MAGI1: variants seen among roughly 807,000 people sequenced by gnomAD.
MAGI1 encodes membrane associated guanylate kinase, WW and PDZ domain containing 1.
MAGI1 carries 58 observed loss-of-function variants against 139.9 expected under a neutral mutation model. The observed-to-expected ratio is 0.41, with a 90% CI of 0.34 to 0.52. The LOEUF is 0.52. Ranked by LOEUF, MAGI1 falls within the 20% of genes least tolerant of loss-of-function variation. MAGI1 has a pLI of 0.12. For synonymous variants in MAGI1, 812 were observed against 737.9 expected, an observed-to-expected ratio of 1.10 and a Z score of -1.63; for missense variants, 1,874 against 1,901.6, an observed-to-expected ratio of 0.99 and a Z score of 0.27.
intron 1 of MAGI1, among the ~76,000 whole-genome samples, chr3:66,002,585 G>A (rs777737665): frequency 2.6e-5 from 4 of 152,002 alleles, no homozygotes; most frequent in Admixed American, 1.3e-4. Context: ...GCGCGATCTC[G>A]ACTCACTGCA....
intron 1 of MAGI1, among the ~76,000 whole-genome samples, chr3:65,876,546 A>T (rs2060125788): frequency 6.6e-6 from 1 of 152,174 alleles, no homozygotes; most frequent in African/African-American, 2.4e-5. Flanking sequence ...CTAAAATTGA[A>T]ATCACAATAA....
chr3:65,740,442 G>C (rs1471584283), intron 1 of MAGI1, among the ~76,000 whole-genome samples: 2 of 152,150 alleles, frequency 1.3e-5, no homozygotes, highest in South Asian at 2.1e-4. Flanking sequence ...GAGATATTGG[G>C]ATCTGAACCT....
chr3:65,535,375 T>A (rs1409113859), intron 2 of MAGI1, among the ~76,000 whole-genome samples: 1 of 152,180 alleles, frequency 6.6e-6, no homozygotes, highest in Non-Finnish European at 1.5e-5. Context: ...ATGCCTTGTC[T>A]CTTGCAGCTC....
At chr3:65,961,823 T>G (rs567160780) in intron 1 of MAGI1, among the ~76,000 whole-genome samples, 66 of 152,326 alleles carry the variant, frequency 4.3e-4, no homozygotes, top group African/African-American at 1.5e-3. Context: ...AACCTTCCTG[T>G]CAGGCTTCCC....
chr3:65,615,198 T>C (rs2083308968), intron 2 of MAGI1, among the ~76,000 whole-genome samples: 1 of 152,062 alleles, frequency 6.6e-6, no homozygotes. Flanking sequence ...AAAGCTACAA[T>C]GGAGAAAATG....
chr3:65,534,749 C>T (rs1480397811), intron 2 of MAGI1, among the ~76,000 whole-genome samples: 3 of 152,164 alleles, frequency 2.0e-5, no homozygotes, highest in Non-Finnish European at 4.4e-5. Flanking sequence ...AAGATTTGAA[C>T]CCAGGTCTGG....
At chr3:65,601,463 A>G (rs1331609467) in intron 2 of MAGI1, among the ~76,000 whole-genome samples, 2 of 152,210 alleles carry the variant, frequency 1.3e-5, no homozygotes, top group Non-Finnish European at 2.9e-5. Flanking sequence ...ATTAGAGAAT[A>G]AGAGAGACAG....
chr3:65,800,271 T>C (rs541433864), intron 1 of MAGI1, among the ~76,000 whole-genome samples: 7 of 152,336 alleles, frequency 4.6e-5, no homozygotes, highest in Admixed American at 4.6e-4. Context: ...TAATTTGTGG[T>C]TCTTACATTT....
chr3:65,464,779 T>C lies in MAGI1; in HGVS notation c.959+5504A>G, dbSNP rs115563197. On this transcript the variant is annotated intron_variant, in intron 5 of 22. Transcript: ENST00000402939. ...TTTATTAAATGTAGTTATTGATATG[T>C]TAGGGCTTAAGTCTTCCATTTTGTT... Among the ~76,000 whole-genome samples, 91 of 152,164 alleles carry C rather than the reference T, an allele frequency of 6.0e-4. No individual in the cohort carries two copies. In the Middle Eastern group the frequency reaches 0.01, roughly 17 times the overall value.
At chr3:65,369,131 C>T (rs1287357817) in intron 18 of MAGI1, among the ~76,000 whole-genome samples, 1 of 152,148 alleles carries the variant, frequency 6.6e-6, no homozygotes, top group Non-Finnish European at 1.5e-5. Flanking sequence ...TCTGCCCTCC[C>T]CCATTGTCCA....
At chr3:65,763,435 C>A (rs2037200655) in intron 1 of MAGI1, among the ~76,000 whole-genome samples, 1 of 151,900 alleles carries the variant, frequency 6.6e-6, no homozygotes, top group Admixed American at 6.6e-5. Context: ...TCAGGCCTGG[C>A]TGAAAAAAAC....
At chr3:65,736,009 A>G (rs1385677546) in intron 1 of MAGI1, among the ~76,000 whole-genome samples, 3 of 152,306 alleles carry the variant, frequency 2.0e-5, no homozygotes, top group East Asian at 3.9e-4. Context: ...CTGAACCCAC[A>G]TCTTCATCTC....
chr3:65,734,505 GAGAGAGAAAGAA>G (rs11276423), intron 1 of MAGI1, among the ~76,000 whole-genome samples: 2 of 140,398 alleles, frequency 1.4e-5, no homozygotes, highest in South Asian at 2.2e-4. Flanking sequence ...GAAAGAGGAA[GAGAGAGAAAGAA>G]AGAGAGAAAG....
In MAGI1 at chr3:65,619,993, T is replaced by C. The variant is rs1011017427; in HGVS notation, c.430+1979A>G. 3.0e-6 allele frequency: 3 copies of C among 985,140 alleles called. No individual in the cohort carries two copies. In the African/African-American group the frequency reaches 5.2e-5, roughly 17 times the overall value. The allele number at this position is 985,140 out of a possible 1,614,324, so 61.0% of individuals were successfully genotyped here. On this transcript the variant is annotated intron_variant, in intron 2 of 22. Transcript: ENST00000402939. ...TTTCCACTGTTTTTAAAAGACAGAG[T>C]TCGTTTTTGCCCCAATTCCTACATA...
intron 1 of MAGI1, among the ~76,000 whole-genome samples, chr3:65,663,879 G>A (rs775236231): frequency 1.3e-5 from 2 of 152,060 alleles, no homozygotes; most frequent in Non-Finnish European, 2.9e-5. Context: ...TGTCCCCTAG[G>A]GATCAAAAGC....
intron 3 of MAGI1, among the ~76,000 whole-genome samples, chr3:65,491,011 C>T (rs1416262449): frequency 6.6e-6 from 1 of 152,080 alleles, no homozygotes; most frequent in African/African-American, 2.4e-5. Context: ...AACTATGCAA[C>T]ATTCACAAAG....
At chr3:65,817,214 T>C (rs1484768054) in intron 1 of MAGI1, among the ~76,000 whole-genome samples, 2 of 152,170 alleles carry the variant, frequency 1.3e-5, no homozygotes, top group African/African-American at 4.8e-5. Context: ...CCCCAAAATT[T>C]TGATATAGAA....
chr3:65,460,194 T>C (rs1353775405), intron 5 of MAGI1, among the ~76,000 whole-genome samples: 7 of 152,248 alleles, frequency 4.6e-5, no homozygotes, highest in Non-Finnish European at 7.3e-5. Flanking sequence ...GTTACACTGA[T>C]TGATTTATTT....
Position 65,487,337 on chromosome 3 carries a change from C to T in MAGI1, c.550+6175G>A, listed in dbSNP as rs116896931. Among the ~76,000 whole-genome samples, 59 of 152,260 alleles carry T rather than the reference C, an allele frequency of 3.9e-4. 2 individuals carry two copies. In the East Asian group the frequency reaches 8.3e-3, roughly 21 times the overall value. On this transcript the variant is annotated intron_variant, in intron 3 of 22. Transcript: ENST00000402939. Reference sequence around the variant, plus strand: ...ATTTAAGACCCATAAAGACAGTGACCACAACCATATCTGCTTTTGTTCAGC... The same window carrying T: ...ATTTAAGACCCATAAAGACAGTGACTACAACCATATCTGCTTTTGTTCAGC...
Sources: gnomAD v4.1 joint callset for allele counts (sites outside exome capture counted in the v4.1 genomes callset) on GRCh38, gnomAD v4.1.1 for gene constraint, MANE v1.5 for transcripts, NCBI Gene and HGNC (gene_info 2026-07-23, HGNC 2026-07-21) for gene names.